Variants in DAPK1 observed in about 807,000 individuals in gnomAD.
DAPK1 encodes death associated protein kinase 1.
DAPK1 carries 56 observed loss-of-function variants against 144.9 expected under a neutral mutation model. The ratio of observed to expected loss-of-function variants is 0.39; its 90% confidence interval spans 0.31 to 0.48. The LOEUF (loss-of-function observed/expected upper bound fraction) is 0.48, where lower values mean the gene tolerates loss of function less well. DAPK1 is among the 20% of genes least tolerant of loss of function. The probability of loss-of-function intolerance (pLI) is 0.95; values close to 1 mark genes in which losing one functional copy is unlikely to be tolerated. For missense variants in DAPK1, 1,454 were observed against 1,875.4 expected (o/e 0.78, Z 4.15); for synonymous variants, 690 against 749.0 (o/e 0.92, Z 1.29).
At chr9:87,603,943 C>T (rs1268109326) in intron 2 of DAPK1, among the ~76,000 whole-genome samples, 1 of 152,144 alleles carries the variant, frequency 6.6e-6, no homozygotes, top group Non-Finnish European at 1.5e-5. Context: ...CTTTCCTCTG[C>T]AAGAAGTAGA....
intron 2 of DAPK1, among the ~76,000 whole-genome samples, chr9:87,537,300 A>G (rs769023344): frequency 1.3e-5 from 2 of 152,078 alleles, no homozygotes; most frequent in South Asian, 2.1e-4. Flanking sequence ...TGAGGTTTTC[A>G]TGTGTTTTGG....
intron 2 of DAPK1, among the ~76,000 whole-genome samples, chr9:87,502,929 A>G (rs1266922896): frequency 6.6e-6 from 1 of 152,128 alleles, no homozygotes; most frequent in Non-Finnish European, 1.5e-5. Flanking sequence ...CAATATTGGG[A>G]TTAATGCATG....
At chr9:87,629,232 A>T (rs997053050) in intron 3 of DAPK1, among the ~76,000 whole-genome samples, 1 of 152,138 alleles carries the variant, frequency 6.6e-6, no homozygotes, top group African/African-American at 2.4e-5. Flanking sequence ...ACGTGTGTGG[A>T]GGGCGGTCTA....
upstream of DAPK1, chr9:87,497,683 A>G (rs973952268): frequency 5.1e-6 from 1 of 195,910 alleles, no homozygotes; most frequent in African/African-American, 2.3e-5. Context: ...TGCGCGGTAG[A>G]GCGCGCCAGC....
chr9:87,668,477 C>T lies in DAPK1; in HGVS notation c.1924-120C>T. 8.2e-6 allele frequency: 6 copies of T among 734,842 alleles called. No homozygotes were observed. The South Asian group carries it at 9.2e-5, about 11-fold the overall frequency. The allele number at this position is 734,842 out of a possible 1,614,324, so 45.5% of individuals were successfully genotyped here. The stretch of plus-strand genomic sequence containing the variant: ...CACACCGAGACGTGCTCTTTGTCCA[C>T]CTGGCTTGCTTCTCACACCTGCTAT... On this transcript the variant is annotated intron_variant, in intron 18 of 25. Coordinates refer to ENST00000408954, the MANE Select transcript of DAPK1 (RefSeq NM_004938.4).
chr9:87,577,907 C>T (rs1827621355), intron 2 of DAPK1, among the ~76,000 whole-genome samples: 1 of 152,218 alleles, frequency 6.6e-6, no homozygotes, highest in African/African-American at 2.4e-5. Context: ...TTCCCCTCCC[C>T]TCTTCCTAGG....
chr9:87,638,160 G>C, intron 4 of DAPK1, 79 bp downstream of exon 4: 1 of 1,408,452 alleles, frequency 7.1e-7, no homozygotes, highest in African/African-American at 1.4e-5. Context: ...AAAAATTGAG[G>C]CATCTGAAAG....
intron 2 of DAPK1, among the ~76,000 whole-genome samples, chr9:87,602,501 C>T (rs1452239302): frequency 6.6e-6 from 1 of 152,196 alleles, no homozygotes; most frequent in Non-Finnish European, 1.5e-5. Context: ...TACCATCTTC[C>T]CATAAATAAA....
intron 2 of DAPK1, among the ~76,000 whole-genome samples, chr9:87,572,244 A>T (rs569999887): frequency 1.2e-4 from 19 of 152,352 alleles, no homozygotes; most frequent in African/African-American, 4.3e-4. Flanking sequence ...CAATCCTCAT[A>T]GTAAGAGGTC....
chr9:87,614,613 C>T (rs1013584436), intron 3 of DAPK1, among the ~76,000 whole-genome samples: 3 of 152,206 alleles, frequency 2.0e-5, no homozygotes, highest in African/African-American at 7.2e-5. Context: ...GCTTCCCCAA[C>T]CTGCACATCA....
At chr9:87,649,628 C>T (rs868029498) in intron 15 of DAPK1, among the ~76,000 whole-genome samples, 4 of 152,080 alleles carry the variant, frequency 2.6e-5, no homozygotes, top group South Asian at 4.2e-4. Context: ...AACGGGCTCC[C>T]GAAAGTCAAT....
At chr9:87,656,620 G>A (rs1206115089) in intron 17 of DAPK1, among the ~76,000 whole-genome samples, 1 of 152,220 alleles carries the variant, frequency 6.6e-6, no homozygotes, top group Non-Finnish European at 1.5e-5. Context: ...CTGCAGCAGT[G>A]TTTACACTAG....
At chr9:87,663,301 T>C (rs1377551939) in intron 18 of DAPK1, among the ~76,000 whole-genome samples, 1 of 152,090 alleles carries the variant, frequency 6.6e-6, no homozygotes, top group Non-Finnish European at 1.5e-5. Context: ...TAAACCAATA[T>C]AAAGCTTAGT....
At chr9:87,567,362 G>C (rs1391100946) in intron 2 of DAPK1, among the ~76,000 whole-genome samples, 3 of 152,186 alleles carry the variant, frequency 2.0e-5, no homozygotes, top group African/African-American at 7.2e-5. Flanking sequence ...TGATAATATA[G>C]GGAGAGGAGA....
In DAPK1 at chr9:87,645,931, C is replaced by T. The variant is rs774914743; in HGVS notation, c.1048C>T (p.His350Tyr). The T allele has an allele frequency of 6.8e-6, 11 of 1,613,818 alleles. No individual in the cohort carries two copies. The highest frequency in any genetic ancestry group is 6.7e-5 in the Admixed American group (4 of 60,000). Residue 350 changes from histidine to tyrosine, a missense_variant, in exon 12 of 26, where the codon CAT becomes TAT. His to Tyr is a moderately conservative substitution (Grantham distance 83). Coordinates refer to ENST00000408954, the MANE Select transcript of DAPK1 (RefSeq NM_004938.4). ...EDSFVMKAIIHAINDDNVPGL... is the reference protein window; with the variant it reads ...EDSFVMKAIIYAINDDNVPGL... ...CTCCTTTGTGATGAAAGCCATCATC[C>T]ATGCCATCAACGATGACAATGTCCC...
intron 2 of DAPK1, among the ~76,000 whole-genome samples, chr9:87,600,843 G>A (rs772894529): frequency 1.3e-5 from 2 of 152,178 alleles, no homozygotes; most frequent in Non-Finnish European, 1.5e-5. Context: ...TGTGAGGAGG[G>A]GGCAGAAGGG....
Position 87,697,000 on chromosome 9 carries a change from T to A in DAPK1, c.2414-7T>A. On this transcript the variant is annotated splice_polypyrimidine_tract_variant and splice_region_variant and intron_variant, in intron 21 of 25. Transcript: ENST00000408954. ...TCACGATTGTTATCATTTTTCTTTT[T>A]CTGTAGGAGTTGGCGATTTCAGCGT... 6.9e-7 allele frequency: 1 copy of A among 1,455,238 alleles called. No individual in the cohort carries two copies. Among genetic ancestry groups the A allele is most frequent in the Non-Finnish European group, 9.7e-7 (1 of 1,034,904 alleles). The allele number at this position is 1,455,238 out of a possible 1,614,324, so 90.1% of individuals were successfully genotyped here. A position where few individuals can be genotyped will look rare whatever the true frequency, so the allele number is the denominator to read the frequency against.
chr9:87,569,398 C>T (rs1464661088), intron 2 of DAPK1, among the ~76,000 whole-genome samples: 1 of 152,310 alleles, frequency 6.6e-6, no homozygotes, highest in East Asian at 1.9e-4. Context: ...CTACCTCCAG[C>T]GAGACTCAGG....
intron 2 of DAPK1, chr9:87,553,657 G>C (rs1192050225): frequency 6.6e-6 from 1 of 151,836 alleles, no homozygotes; most frequent in Non-Finnish European, 1.5e-5. Flanking sequence ...CACCATGCCC[G>C]GCTAATTTTT....
Sources: gnomAD v4.1 joint callset for allele counts (sites outside exome capture counted in the v4.1 genomes callset) on GRCh38, gnomAD v4.1.1 for gene constraint, MANE v1.5 for transcripts, NCBI Gene and HGNC (gene_info 2026-07-23, HGNC 2026-07-21) for gene names.